Variants in XIRP2 observed in about 807,000 individuals in gnomAD.
XIRP2 encodes xin actin binding repeat containing 2.
Under a neutral mutation model 277.0 loss-of-function variants are expected in XIRP2, and 236 were observed. The observed-to-expected ratio is 0.85, with a 90% CI of 0.77 to 0.95. The LOEUF is 0.95. XIRP2 is among the 40% of genes least tolerant of loss of function. The probability of loss-of-function intolerance (pLI) is 0.00; values close to 1 mark genes in which losing one functional copy is unlikely to be tolerated. For synonymous variants in XIRP2, 1,490 were observed against 1,416.5 expected (o/e 1.05, Z -1.17); for missense variants, 4,640 against 4,157.5 (o/e 1.12, Z -3.19).
intron 5 of XIRP2, among the ~76,000 whole-genome samples, chr2:167,220,044 T>G (rs1694376394): frequency 6.6e-6 from 1 of 152,202 alleles, no homozygotes; most frequent in East Asian, 1.9e-4. Context: ...GTATCAACTC[T>G]CCAATTATTA....
chr2:167,157,499 T>A (rs998179946), intron 3 of XIRP2, among the ~76,000 whole-genome samples: 1 of 152,258 alleles, frequency 6.6e-6, no homozygotes, highest in African/African-American at 2.4e-5. Flanking sequence ...TTACATTGTA[T>A]AAGTATGCAT....
At chr2:167,207,777 T>C (rs1267674161) in intron 3 of XIRP2, among the ~76,000 whole-genome samples, 1 of 152,156 alleles carries the variant, frequency 6.6e-6, no homozygotes, top group East Asian at 1.9e-4. Context: ...TTTTATATTA[T>C]ATTGAAATTA....
chr2:167,203,017 C>T (rs1158976246), intron 3 of XIRP2, among the ~76,000 whole-genome samples: 1 of 152,118 alleles, frequency 6.6e-6, no homozygotes, highest in Non-Finnish European at 1.5e-5. Flanking sequence ...ATTGCATCTC[C>T]CGTCTCAATG....
chr2:167,061,879 C>A (rs1689182106), intron 2 of XIRP2, among the ~76,000 whole-genome samples: 1 of 152,040 alleles, frequency 6.6e-6, no homozygotes, highest in South Asian at 2.1e-4. Context: ...TTTCTAGTGT[C>A]CAAAACTGTG....
Position 167,257,726 on chromosome 2 carries a change from A to T in XIRP2, c.*40-131A>T, listed in dbSNP as rs879163096. On this transcript the variant is annotated intron_variant, in intron 10 of 10. Coordinates refer to ENST00000409195, the MANE Select transcript of XIRP2 (RefSeq NM_152381.6). ...TAATATTATCTAACAGAAATGTTCA[A>T]CTAATAGGGCCATTCCCATTGCTAG... 4.9e-6 allele frequency: 4 copies of T among 822,446 alleles called. No individual in the cohort carries two copies. The Admixed American group carries it at 9.1e-5, about 19-fold the overall frequency. 50.9% of individuals were successfully genotyped at this position (822,446 alleles called of 1,614,324 possible). A position where few individuals can be genotyped will look rare whatever the true frequency, so the allele number is the denominator to read the frequency against.
At chr2:167,052,534 C>G (rs1289133889) in intron 2 of XIRP2, among the ~76,000 whole-genome samples, 1 of 151,962 alleles carries the variant, frequency 6.6e-6, no homozygotes, top group Non-Finnish European at 1.5e-5. Context: ...ATCAGTTAAC[C>G]CACAGGATAA....
chr2:167,235,766 C>A (rs948343615), intron 5 of XIRP2, among the ~76,000 whole-genome samples: 1 of 151,810 alleles, frequency 6.6e-6, no homozygotes, highest in African/African-American at 2.4e-5. Context: ...ACATAAAGCT[C>A]ACACCTTAGA....
rs139838865 is a variant in XIRP2 at position 166,964,718 on chromosome 2, A to G, written c.408+60828A>G. ...TTTTGTTGTATTTGTATATAAATTT[A>G]GCCTCCATATACATTTCAGAAGTGT... On this transcript the variant is annotated intron_variant, in intron 2 of 10. Coordinates refer to ENST00000409195, the MANE Select transcript of XIRP2 (RefSeq NM_152381.6). Among the ~76,000 whole-genome samples, 379 of 152,008 alleles carry G rather than the reference A, an allele frequency of 2.5e-3. 1 individual carries two copies. The highest frequency in any genetic ancestry group is 8.6e-3 in the African/African-American group (356 of 41,526).
chr2:167,061,689 A>T (rs1689177846), intron 2 of XIRP2, among the ~76,000 whole-genome samples: 1 of 152,100 alleles, frequency 6.6e-6, no homozygotes, highest in Admixed American at 6.6e-5. Flanking sequence ...AAGAAAGGAG[A>T]CACATAGACA....
intron 3 of XIRP2, among the ~76,000 whole-genome samples, chr2:167,142,376 C>T (rs1418787229): frequency 2.0e-5 from 3 of 151,758 alleles, no homozygotes; most frequent in Admixed American, 6.6e-5. Context: ...GGTGAAACCC[C>T]GTCTCTACTA....
chr2:167,200,187 G>A (rs998356665), intron 3 of XIRP2, among the ~76,000 whole-genome samples: 1 of 152,118 alleles, frequency 6.6e-6, no homozygotes, highest in Non-Finnish European at 1.5e-5. Flanking sequence ...GCACAGTAAC[G>A]GTAGAATGAA....
At chr2:166,958,448 T>A in intron 2 of XIRP2, among the ~76,000 whole-genome samples, 1 of 151,792 alleles carries the variant, frequency 6.6e-6, no homozygotes, top group East Asian at 1.9e-4. Context: ...GGACTGGTGA[T>A]CTTCAGTAAG....
intron 2 of XIRP2, among the ~76,000 whole-genome samples, chr2:166,935,058 T>A (rs147903200): frequency 6.6e-6 from 1 of 151,898 alleles, no homozygotes; most frequent in Non-Finnish European, 1.5e-5. Flanking sequence ...AATGTGTGTG[T>A]AGATGCTTCG....
chr2:167,255,207 T>C (rs775575307), intron 10 of XIRP2, among the ~76,000 whole-genome samples: 6 of 151,888 alleles, frequency 4.0e-5, no homozygotes, highest in Non-Finnish European at 7.4e-5. Context: ...AAATAATCTA[T>C]GTGGTAATGA....
At chr2:166,975,914 G>C (rs968140695) in intron 2 of XIRP2, among the ~76,000 whole-genome samples, 2 of 108,368 alleles carry the variant, frequency 1.8e-5, no homozygotes, top group Non-Finnish European at 3.4e-5. Flanking sequence ...CTGGGTGACA[G>C]AGCGAGACTC....
intron 2 of XIRP2, among the ~76,000 whole-genome samples, chr2:167,039,899 A>C (rs1358866531): frequency 6.6e-6 from 1 of 152,224 alleles, no homozygotes; most frequent in East Asian, 1.9e-4. Flanking sequence ...ATAGGTAAAT[A>C]TGAATTAGAA....
chr2:167,184,664 T>C (rs1397818025), intron 3 of XIRP2: 2 of 714,784 alleles, frequency 2.8e-6, no homozygotes, highest in South Asian at 3.0e-5. Context: ...CTTTCTTGAA[T>C]TGTACTGCTT....
chr2:167,254,274 G>T, intron 10 of XIRP2, 109 bp downstream of exon 10: 2 of 1,260,984 alleles, frequency 1.6e-6, no homozygotes, highest in Non-Finnish European at 2.1e-6. Flanking sequence ...TGCTGCGTCA[G>T]TTAACACAAC....
chr2:167,089,745 C>T (rs1690086305), intron 2 of XIRP2, among the ~76,000 whole-genome samples: 1 of 152,088 alleles, frequency 6.6e-6, no homozygotes, highest in Non-Finnish European at 1.5e-5. Flanking sequence ...TTTTGACTTA[C>T]CAGTCAGAGT....
Sources: allele counts gnomAD v4.1 joint callset (sites outside exome capture counted in the v4.1 genomes callset), GRCh38; gene constraint gnomAD v4.1.1; transcripts MANE v1.5; gene names NCBI Gene and HGNC (gene_info 2026-07-23, HGNC 2026-07-21).